The following ADGB variants were observed in gnomAD, a reference collection of about 807,000 sequenced individuals.
ADGB encodes the protein calpain-7-like protein.
In ADGB, 172 loss-of-function variants were observed where a neutral mutation model predicts 210.5. That is an observed-to-expected ratio of 0.82 (90% confidence interval 0.72 to 0.93). The LOEUF (loss-of-function observed/expected upper bound fraction) is 0.93, where lower values mean the gene tolerates loss of function less well. Ranked by LOEUF, ADGB falls within the 40% of genes least tolerant of loss-of-function variation. The probability of loss-of-function intolerance (pLI) is 0.00; values close to 1 mark genes in which losing one functional copy is unlikely to be tolerated. For missense variants in ADGB, 2,025 were observed against 1,964.8 expected (o/e 1.03, Z -0.58); for synonymous variants, 658 against 662.7 (o/e 0.99, Z 0.11).
chr6:146,674,866 G>A (rs1192541122), intron 8 of ADGB, among the ~76,000 whole-genome samples: 2 of 152,120 alleles, frequency 1.3e-5, no homozygotes, highest in Non-Finnish European at 2.9e-5. Flanking sequence ...ATGTGAAACA[G>A]TTTGATTTTT....
At chr6:146,692,789 A>C in intron 11 of ADGB, 36 bp from the exon 12 acceptor site, 1 of 1,169,174 alleles carries the variant, frequency 8.6e-7, no homozygotes, top group Non-Finnish European at 1.2e-6. Flanking sequence ...AGATTTTTTT[A>C]AATGTACATC....
chr6:146,645,874 TGA>T (rs951238905), intron 3 of ADGB, among the ~76,000 whole-genome samples: 1 of 152,008 alleles, frequency 6.6e-6, no homozygotes, highest in African/African-American at 2.4e-5. Context: ...AGAATATATA[TGA>T]GCCATGCTTT....
At chr6:146,700,238 C>T (rs901455065) in intron 12 of ADGB, among the ~76,000 whole-genome samples, 2 of 152,174 alleles carry the variant, frequency 1.3e-5, no homozygotes, top group African/African-American at 4.8e-5. Flanking sequence ...TTCTTGGCTC[C>T]TGGCCATGTC....
At chr6:146,761,025 A>G (rs980552742) in intron 27 of ADGB, among the ~76,000 whole-genome samples, 10 of 151,968 alleles carry the variant, frequency 6.6e-5, no homozygotes, top group African/African-American at 2.4e-4. Context: ...ATGCTTTGCC[A>G]ATATGATCTT....
chr6:146,781,348 A>G (rs1182692663), intron 29 of ADGB, among the ~76,000 whole-genome samples: 1 of 151,302 alleles, frequency 6.6e-6, no homozygotes, highest in Non-Finnish European at 1.5e-5. Flanking sequence ...ATCTCAAAAG[A>G]AAAAGAAAAA....
At chr6:146,726,834 T>C (rs1776902341) in intron 19 of ADGB, among the ~76,000 whole-genome samples, 1 of 152,192 alleles carries the variant, frequency 6.6e-6, no homozygotes, top group South Asian at 2.1e-4. Flanking sequence ...TCCTTTTTAA[T>C]AGAGTTTAAA....
chr6:146,695,244 T>G (rs1052450606), intron 12 of ADGB, among the ~76,000 whole-genome samples: 2 of 152,186 alleles, frequency 1.3e-5, no homozygotes, highest in African/African-American at 4.8e-5. Context: ...CTTTATCAGT[T>G]CTTAATATTG....
chr6:146,746,764 A>G (rs1777245573), intron 26 of ADGB, among the ~76,000 whole-genome samples: 2 of 152,158 alleles, frequency 1.3e-5, no homozygotes, highest in Admixed American at 1.3e-4. Flanking sequence ...GACTACAGAT[A>G]AACTCCGAAG....
At chr6:146,601,205 T>C (rs1049979941) in intron 1 of ADGB, among the ~76,000 whole-genome samples, 1 of 152,194 alleles carries the variant, frequency 6.6e-6, no homozygotes, top group Non-Finnish European at 1.5e-5. Flanking sequence ...AACTCTCTTC[T>C]TACTAAGACT....
chr6:146,679,000 T>C (rs1003351552), intron 9 of ADGB, among the ~76,000 whole-genome samples: 8 of 152,192 alleles, frequency 5.3e-5, no homozygotes, highest in Admixed American at 1.3e-4. Context: ...TCTAGCATTC[T>C]AAAGTTCTAT....
chr6:146,685,356 G>C (rs1382683227), intron 9 of ADGB, among the ~76,000 whole-genome samples: 1 of 151,848 alleles, frequency 6.6e-6, no homozygotes, highest in Non-Finnish European at 1.5e-5. Context: ...GTTCAACATA[G>C]AATAAAGATC....
intron 12 of ADGB, among the ~76,000 whole-genome samples, chr6:146,695,053 T>C (rs745674840): frequency 6.6e-6 from 1 of 152,178 alleles, no homozygotes; most frequent in Non-Finnish European, 1.5e-5. Context: ...CCTTCCTTGC[T>C]TCCTGGATGA....
At chr6:146,735,264 G>A (rs749289237) in intron 22 of ADGB, among the ~76,000 whole-genome samples, 6 of 152,146 alleles carry the variant, frequency 3.9e-5, no homozygotes, top group African/African-American at 4.8e-5. Flanking sequence ...CAAAGACTGG[G>A]TTATTTATAA....
At chr6:146,700,378 C>G (rs960233959) in intron 12 of ADGB, among the ~76,000 whole-genome samples, 1 of 152,112 alleles carries the variant, frequency 6.6e-6, no homozygotes, top group Admixed American at 6.6e-5. Context: ...TTGATGAAGT[C>G]TATGTACATG....
chr6:146,782,196 G>A lies in ADGB; in HGVS notation c.4035+4G>A, dbSNP rs1361755711. 5 of 1,511,318 alleles carry A rather than the reference G, an allele frequency of 3.3e-6. No individual in the cohort carries two copies. The highest frequency in any genetic ancestry group is 1.7e-4 in the Middle Eastern group (1 of 5,794). The allele number at this position is 1,511,318 out of a possible 1,614,324, so 93.6% of individuals were successfully genotyped here. ...AGCACCTCGCTTTGAGCCTCAGGTGGGTGTGGAATTTTTTTTATTTGAGTG... is the reference window on the plus strand; with the variant it reads ...AGCACCTCGCTTTGAGCCTCAGGTGAGTGTGGAATTTTTTTTATTTGAGTG... On this transcript the variant is annotated splice_donor_region_variant and intron_variant, in intron 30 of 35. Coordinates refer to ENST00000397944, the MANE Select transcript of ADGB (RefSeq NM_024694.4).
At chr6:146,752,455 C>A in intron 26 of ADGB, 75 bp from the exon 27 acceptor site, 3 of 1,356,744 alleles carry the variant, frequency 2.2e-6, no homozygotes, top group Non-Finnish European at 3.0e-6. Flanking sequence ...GGACATATAT[C>A]CAAACTATCT....
intron 5 of ADGB, among the ~76,000 whole-genome samples, chr6:146,657,828 G>T (rs1393365232): frequency 6.6e-6 from 1 of 152,202 alleles, no homozygotes; most frequent in Non-Finnish European, 1.5e-5. Context: ...GAGACAGGAA[G>T]ATGTTACCTC....
intron 27 of ADGB, among the ~76,000 whole-genome samples, chr6:146,761,958 A>G (rs2114622906): frequency 6.6e-6 from 1 of 152,142 alleles, no homozygotes; most frequent in East Asian, 1.9e-4. Flanking sequence ...CTCTGCCAAC[A>G]TCTTCACATG....
chr6:146,684,058 T>C (rs1776190996), intron 9 of ADGB, among the ~76,000 whole-genome samples: 1 of 151,956 alleles, frequency 6.6e-6, no homozygotes, highest in South Asian at 2.1e-4. Flanking sequence ...TTATGTAAGG[T>C]GTGTGTTTAA....
Sources: gnomAD v4.1 joint callset for allele counts (sites outside exome capture counted in the v4.1 genomes callset) on GRCh38, gnomAD v4.1.1 for gene constraint, MANE v1.5 for transcripts, NCBI Gene and HGNC (gene_info 2026-07-23, HGNC 2026-07-21) for gene names.